TUSC3: variants seen among roughly 807,000 people sequenced by gnomAD.
TUSC3 encodes tumor suppressor candidate 3, also known as dolichyl-diphosphooligosaccharide--protein glycosyltransferase subunit TUSC3.
In TUSC3, 45 loss-of-function variants were observed where a neutral mutation model predicts 44.8. That is an observed-to-expected ratio of 1.00 (90% CI 0.79 to 1.29). The LOEUF (loss-of-function observed/expected upper bound fraction) is 1.29, where lower values mean the gene tolerates loss of function less well. Among genes scored for constraint, TUSC3 ranks in the 50% most tolerant of loss-of-function variants. TUSC3 has a pLI of 0.00. For synonymous variants in TUSC3, 212 were observed against 152.9 expected (o/e 1.39, Z -2.85); for missense variants, 519 against 437.9 (o/e 1.19, Z -1.65).
In TUSC3 at chr8:15,427,429, A is replaced by G. The variant is rs542541539; in HGVS notation, n.91+10124A>G. Reference sequence around the variant, plus strand: ...TGGCACCAGGGAAAGGCAGTCTCCAATAGAAAACACCAGAAACTGGTAATG... The same window carrying G: ...TGGCACCAGGGAAAGGCAGTCTCCAGTAGAAAACACCAGAAACTGGTAATG... On this transcript the variant is annotated intron_variant and non_coding_transcript_variant, in intron 1 of 5. Transcript: ENST00000503191. Among the ~76,000 whole-genome samples, 14 of 152,128 alleles carry G rather than the reference A, an allele frequency of 9.2e-5. No individual in the cohort carries two copies. In the East Asian group the frequency reaches 9.7e-4, roughly 11 times the overall value.
intron 6 of TUSC3, among the ~76,000 whole-genome samples, chr8:15,683,236 A>T (rs1808495879): frequency 6.6e-6 from 1 of 152,204 alleles, no homozygotes; most frequent in Non-Finnish European, 1.5e-5. Flanking sequence ...TATATCCTCA[A>T]ATATGTTTTC....
At chr8:15,722,665 G>C (rs376318022) in intron 6 of TUSC3, among the ~76,000 whole-genome samples, 2 of 151,832 alleles carry the variant, frequency 1.3e-5, no homozygotes, top group East Asian at 3.9e-4. Context: ...CTGTTGCTTG[G>C]GTGCAACTTG....
the TUSC3 span, among the ~76,000 whole-genome samples, chr8:15,851,993 C>T: frequency 3.4e-3 from 523 of 152,150 alleles, 1 homozygote; most frequent in African/African-American, 0.011. Context: ...TCTTGTCTCC[C>T]GCCATGTGAG....
the TUSC3 span, among the ~76,000 whole-genome samples, chr8:15,842,767 C>A: frequency 6.6e-6 from 1 of 152,146 alleles, no homozygotes; most frequent in Non-Finnish European, 1.5e-5. Flanking sequence ...TTGGTATTGA[C>A]AATTCTTTGA....
the TUSC3 span, among the ~76,000 whole-genome samples, chr8:15,792,921 C>G: frequency 1.6e-4 from 24 of 152,094 alleles, 1 homozygote; most frequent in African/African-American, 5.5e-4. Flanking sequence ...GCCCGACCAC[C>G]TACTATTTCT....
chr8:15,583,903 A>T (rs1803485666), intron 1 of TUSC3, among the ~76,000 whole-genome samples: 1 of 152,204 alleles, frequency 6.6e-6, no homozygotes, highest in East Asian at 1.9e-4. Flanking sequence ...TGGAAGGAAA[A>T]ATCAGGAAAG....
the TUSC3 span, among the ~76,000 whole-genome samples, chr8:15,847,090 G>A: frequency 4.6e-5 from 7 of 152,002 alleles, no homozygotes; most frequent in Admixed American, 2.0e-4. Context: ...AGATATATCC[G>A]CAGTCCTCCA....
intron 1 of TUSC3, among the ~76,000 whole-genome samples, chr8:15,613,787 T>C (rs1033240911): frequency 6.6e-6 from 1 of 152,206 alleles, no homozygotes; most frequent in African/African-American, 2.4e-5. Flanking sequence ...CCTTTAACTT[T>C]AACATTCCCT....
chr8:15,815,497 G>A, the TUSC3 span, among the ~76,000 whole-genome samples: 4 of 152,102 alleles, frequency 2.6e-5, no homozygotes, highest in African/African-American at 4.8e-5. Context: ...TCTCCAGTGG[G>A]CCAGGAATAG....
chr8:15,524,740 C>A (rs1330253123), intron 2 of TUSC3, among the ~76,000 whole-genome samples: 1 of 152,172 alleles, frequency 6.6e-6, no homozygotes, highest in African/African-American at 2.4e-5. Flanking sequence ...AAACTCTTTT[C>A]ACTGTCGTTC....
At chr8:15,626,458 A>G (rs980124516) in intron 2 of TUSC3, among the ~76,000 whole-genome samples, 2 of 152,190 alleles carry the variant, frequency 1.3e-5, no homozygotes, top group South Asian at 2.1e-4. Flanking sequence ...CCTGCCGAGC[A>G]TGGTTGTAGC....
At chr8:15,724,986 AACTGAG>A (rs1303518609) in intron 6 of TUSC3, among the ~76,000 whole-genome samples, 1 of 152,178 alleles carries the variant, frequency 6.6e-6, no homozygotes, top group African/African-American at 2.4e-5. Flanking sequence ...ATTTGACCCA[AACTGAG>A]ACAAATCATC....
At chr8:15,727,133 G>C (rs1187898684) in intron 6 of TUSC3, among the ~76,000 whole-genome samples, 1 of 152,070 alleles carries the variant, frequency 6.6e-6, no homozygotes, top group Non-Finnish European at 1.5e-5. Flanking sequence ...TCTTTCAAAG[G>C]ATTTTGAAAG....
At chr8:15,606,011 T>A (rs964259425) in intron 1 of TUSC3, among the ~76,000 whole-genome samples, 9 of 151,928 alleles carry the variant, frequency 5.9e-5, no homozygotes, top group African/African-American at 1.4e-4. Flanking sequence ...TCACCCGAGG[T>A]TCTCCTGTAT....
At chr8:15,816,944 T>C in the TUSC3 span, among the ~76,000 whole-genome samples, 1 of 152,192 alleles carries the variant, frequency 6.6e-6, no homozygotes, top group African/African-American at 2.4e-5. Context: ...TTTTTGCCAC[T>C]CCAAAATGTC....
At chr8:15,633,541 G>A (rs1805916778) in intron 2 of TUSC3, among the ~76,000 whole-genome samples, 1 of 152,196 alleles carries the variant, frequency 6.6e-6, no homozygotes, top group African/African-American at 2.4e-5. Flanking sequence ...AGGCAGGGCA[G>A]GCCTTTAATC....
chr8:15,808,412 C>A, the TUSC3 span, among the ~76,000 whole-genome samples: 2 of 152,098 alleles, frequency 1.3e-5, no homozygotes, highest in African/African-American at 2.4e-5. Context: ...TATTCCTTTG[C>A]ATTTTATTAC....
chr8:15,791,978 T>C, the TUSC3 span, among the ~76,000 whole-genome samples: 120 of 152,204 alleles, frequency 7.9e-4, 1 homozygote, highest in East Asian at 0.013. Context: ...TAAAGGAGCG[T>C]TCAAGACATT....
the TUSC3 span, among the ~76,000 whole-genome samples, chr8:15,837,466 T>C: frequency 3.9e-5 from 6 of 152,192 alleles, no homozygotes; most frequent in Admixed American, 3.9e-4. Context: ...TTTTCTTTTA[T>C]TCTTTTAAAT....
Sources: allele counts gnomAD v4.1 joint callset (sites outside exome capture counted in the v4.1 genomes callset), GRCh38; gene constraint gnomAD v4.1.1; transcripts MANE v1.5; gene names NCBI Gene and HGNC (gene_info 2026-07-23, HGNC 2026-07-21).